BTRC: variants seen among roughly 807,000 people sequenced by gnomAD.
The protein encoded by BTRC is F-box/WD repeat-containing protein 1A.
In BTRC, 42 loss-of-function variants were observed where a neutral mutation model predicts 85.5. The ratio of observed to expected loss-of-function variants is 0.49; its 90% CI spans 0.38 to 0.64. The LOEUF is 0.64. Ranked by LOEUF, BTRC falls within the 30% of genes least tolerant of loss-of-function variation. The pLI is 0.00. For synonymous variants in BTRC, 255 were observed against 263.3 expected, an observed-to-expected ratio of 0.97 and a Z score of 0.30; for missense variants, 594 against 743.5, an observed-to-expected ratio of 0.80 and a Z score of 2.34.
chr10:101,396,951 T>C (rs553218687), intron 1 of BTRC, among the ~76,000 whole-genome samples: 1 of 152,084 alleles, frequency 6.6e-6, no homozygotes, highest in East Asian at 1.9e-4. Context: ...TACAGGCATC[T>C]GCCACCTCGC....
At chr10:101,381,636 G>C (rs1448495372) in intron 1 of BTRC, among the ~76,000 whole-genome samples, 1 of 152,084 alleles carries the variant, frequency 6.6e-6, no homozygotes, top group Non-Finnish European at 1.5e-5. Context: ...TTTGAAGAGA[G>C]GTGTTGATGG....
At chr10:101,549,713 C>CAAAAAAAAAAA (rs755481178) in intron 13 of BTRC, among the ~76,000 whole-genome samples, 4,661 of 42,690 alleles carry the variant, frequency 0.11, 950 homozygotes, top group South Asian at 0.22. Flanking sequence ...GACTCTGTCT[C>CAAAAAAAAAAA]AAAAAAAAAA....
intron 14 of BTRC, among the ~76,000 whole-genome samples, chr10:101,552,142 CT>C (rs2062660298): frequency 6.6e-6 from 1 of 151,560 alleles, no homozygotes; most frequent in African/African-American, 2.4e-5. Flanking sequence ...CTGTTTCTGG[CT>C]TTTCTTATTA....
rs961068085 is a variant in BTRC at position 101,442,722 on chromosome 10, G to A, written c.156+12270G>A. 5.3e-5 allele frequency among the ~76,000 whole-genome samples: 8 copies of A among 152,064 alleles called. No individual in the cohort carries two copies. In the East Asian group the frequency reaches 5.8e-4, roughly 11 times the overall value. ...AAAAAGGAATTAACGTTTTTGAAAT[G>A]TCTTAGCATCATAGAAAGGATAAAT... On this transcript the variant is annotated intron_variant, in intron 2 of 14. Coordinates refer to ENST00000370187, the MANE Select transcript of BTRC (RefSeq NM_033637.4).
intron 1 of BTRC, among the ~76,000 whole-genome samples, chr10:101,387,636 C>T (rs2133974113): frequency 6.7e-6 from 1 of 149,418 alleles, no homozygotes; most frequent in Admixed American, 6.7e-5. Context: ...AAGCGATTCT[C>T]CTGCCTCACC....
chr10:101,408,362 A>G (rs1307924007), intron 1 of BTRC, among the ~76,000 whole-genome samples: 1 of 151,982 alleles, frequency 6.6e-6, no homozygotes. Flanking sequence ...GCTGAAATGC[A>G]GTGGAGTGAT....
chr10:101,354,272 T>C (rs1941963784), intron 1 of BTRC, 44 bp downstream of exon 1: 4 of 1,545,954 alleles, frequency 2.6e-6, no homozygotes, highest in African/African-American at 1.4e-5. Context: ...GGCGCTGGCG[T>C]TGGCGGCGTC....
At chr10:101,417,346 G>T (rs1943974028) in intron 1 of BTRC, among the ~76,000 whole-genome samples, 1 of 152,134 alleles carries the variant, frequency 6.6e-6, no homozygotes, top group South Asian at 2.1e-4. Flanking sequence ...TGACATTTTT[G>T]AGGATTACAC....
chr10:101,495,158 G>T (rs1017486307), intron 4 of BTRC, among the ~76,000 whole-genome samples: 2 of 152,154 alleles, frequency 1.3e-5, no homozygotes, highest in African/African-American at 4.8e-5. Flanking sequence ...AGGTACAGTG[G>T]TTATACATCC....
chr10:101,372,569 A>G (rs1942670265), intron 1 of BTRC, among the ~76,000 whole-genome samples: 1 of 141,114 alleles, frequency 7.1e-6, no homozygotes, highest in Non-Finnish European at 1.5e-5. Flanking sequence ...TTTCATGTGT[A>G]TTAGAATCAG....
At chr10:101,535,066 C>A (rs1301352473) in intron 10 of BTRC, among the ~76,000 whole-genome samples, 156 bp downstream of exon 10, 1 of 152,056 alleles carries the variant, frequency 6.6e-6, no homozygotes, top group African/African-American at 2.4e-5. Context: ...ATAAGTGAGA[C>A]GTTGTGTGAC....
intron 4 of BTRC, among the ~76,000 whole-genome samples, chr10:101,515,572 C>T (rs1025235847): frequency 1.3e-5 from 2 of 150,328 alleles, no homozygotes; most frequent in South Asian, 2.1e-4. Context: ...AGTGCAGTGG[C>T]GTGATCTCAG....
At chr10:101,408,924 A>G (rs1007445793) in intron 1 of BTRC, among the ~76,000 whole-genome samples, 2 of 152,048 alleles carry the variant, frequency 1.3e-5, no homozygotes, top group East Asian at 1.9e-4. Context: ...TGGTGGGCGC[A>G]TGAAAGCCCA....
chr10:101,435,247 A>T (rs367561962), intron 2 of BTRC, among the ~76,000 whole-genome samples: 43 of 152,328 alleles, frequency 2.8e-4, no homozygotes, highest in East Asian at 1.3e-3. Context: ...TACATGGATC[A>T]TAAGTGTACT....
chr10:101,455,784 T>G (rs1193696088), intron 2 of BTRC, among the ~76,000 whole-genome samples: 2 of 152,138 alleles, frequency 1.3e-5, no homozygotes, highest in African/African-American at 2.4e-5. Context: ...GAAGTTTGGG[T>G]TTATCCTGTT....
intron 4 of BTRC, among the ~76,000 whole-genome samples, chr10:101,496,225 A>T (rs1946257171): frequency 6.6e-6 from 1 of 152,162 alleles, no homozygotes; most frequent in Non-Finnish European, 1.5e-5. Context: ...ATATACAATG[A>T]GTGTATTTGA....
rs1020673304 is a variant in BTRC at position 101,415,611 on chromosome 10, G to A, written c.49-14734G>A. On this transcript the variant is annotated intron_variant, in intron 1 of 14. Coordinates refer to ENST00000370187, the MANE Select transcript of BTRC (RefSeq NM_033637.4). ...TGCTGGAGTGCAATGGCGTGATCTC[G>A]GCTCACTGCAACCTCTGCCTCCTGA... Among the ~76,000 whole-genome samples the A allele has an allele frequency of 8.1e-5, 12 of 148,992 alleles. No individual in the cohort carries two copies. The East Asian group carries it at 2.2e-3, about 27-fold the overall frequency.
chr10:101,487,304 A>G (rs745867365), intron 4 of BTRC, among the ~76,000 whole-genome samples: 11 of 152,222 alleles, frequency 7.2e-5, no homozygotes, highest in Non-Finnish European at 1.6e-4. Flanking sequence ...TTGCTATATA[A>G]TTTGTGTCAA....
At chr10:101,361,327 C>G (rs559312017) in intron 1 of BTRC, among the ~76,000 whole-genome samples, 1 of 151,622 alleles carries the variant, frequency 6.6e-6, no homozygotes, top group Non-Finnish European at 1.5e-5. Context: ...AGGATGGTCT[C>G]GATCTCCTGA....
Sources: gnomAD v4.1 joint callset for allele counts (sites outside exome capture counted in the v4.1 genomes callset) on GRCh38, gnomAD v4.1.1 for gene constraint, MANE v1.5 for transcripts, NCBI Gene and HGNC (gene_info 2026-07-23, HGNC 2026-07-21) for gene names.